MAPKAP1: variants seen among roughly 807,000 people sequenced by gnomAD.
MAPKAP1 encodes target of rapamycin complex 2 subunit MAPKAP1.
Under a neutral mutation model 65.7 loss-of-function variants are expected in MAPKAP1, and 20 were observed. The observed-to-expected ratio is 0.30, with a 90% CI of 0.21 to 0.44. The LOEUF (loss-of-function observed/expected upper bound fraction) is 0.44, where lower values mean the gene tolerates loss of function less well. Among genes scored for constraint, MAPKAP1 ranks in the 20% least tolerant of loss-of-function variants. The pLI is 1.00. For synonymous variants in MAPKAP1, 222 were observed against 244.3 expected (o/e 0.91, Z 0.85); for missense variants, 423 against 648.0 (o/e 0.65, Z 3.77).
At position 125,461,548 on chromosome 9, in the gene MAPKAP1, T is replaced by C. The variant is rs551811627; in HGVS notation, c.1345+6424A>G. On this transcript the variant is annotated intron_variant, in intron 10 of 11. Coordinates refer to ENST00000265960, the MANE Select transcript of MAPKAP1 (RefSeq NM_001006617.3). ...ACTAAAAAACCCCAGCAGACTTCCT[T>C]TGACAGGATAGATGAAGACCCCTTT... Among the ~76,000 whole-genome samples, 10 of 152,286 alleles carry C rather than the reference T, an allele frequency of 6.6e-5. No homozygotes were observed. The South Asian group carries it at 1.9e-3, about 28-fold the overall frequency.
intron 4 of MAPKAP1, among the ~76,000 whole-genome samples, chr9:125,632,004 G>T (rs752289354): frequency 1.8e-4 from 27 of 152,120 alleles, no homozygotes; most frequent in Non-Finnish European, 3.7e-4. Context: ...CAGATCCCTT[G>T]AGGTAAGGAG....
intron 9 of MAPKAP1, among the ~76,000 whole-genome samples, chr9:125,472,785 C>G (rs1194545962): frequency 6.6e-6 from 1 of 152,086 alleles, no homozygotes; most frequent in African/African-American, 2.4e-5. Flanking sequence ...ACAGGAAAAC[C>G]ATTTATAAAA....
intron 9 of MAPKAP1, among the ~76,000 whole-genome samples, chr9:125,475,602 G>A (rs1157700030): frequency 6.6e-6 from 1 of 152,250 alleles, no homozygotes; most frequent in African/African-American, 2.4e-5. Context: ...ACGCAGAGCA[G>A]CAGTCAGCAC....
intron 1 of MAPKAP1, among the ~76,000 whole-genome samples, chr9:125,693,838 T>TACAC (rs1197235568): frequency 6.8e-4 from 80 of 117,326 alleles, no homozygotes; most frequent in African/African-American, 3.5e-3. Context: ...CACATATATA[T>TACAC]ACACACATAC....
intron 7 of MAPKAP1, among the ~76,000 whole-genome samples, chr9:125,512,300 A>C (rs929394444): frequency 1.3e-5 from 2 of 152,206 alleles, no homozygotes; most frequent in Non-Finnish European, 2.9e-5. Context: ...CGTGGGAGAA[A>C]CTTCTTTCAG....
chr9:125,577,368 A>G (rs1389384516), intron 5 of MAPKAP1, among the ~76,000 whole-genome samples: 1 of 143,358 alleles, frequency 7.0e-6, no homozygotes, highest in Non-Finnish European at 1.5e-5. Context: ...CCCGGCAGCC[A>G]CCCCGTCCGG....
At chr9:125,626,902 A>G (rs183683282) in intron 4 of MAPKAP1, among the ~76,000 whole-genome samples, 34 of 152,372 alleles carry the variant, frequency 2.2e-4, no homozygotes, top group Non-Finnish European at 4.1e-4. Flanking sequence ...CAAGAGGCTT[A>G]TGTATCTAAT....
chr9:125,686,353 T>TA lies in MAPKAP1; in HGVS notation c.-69-13711dup, dbSNP rs1360153169. On this transcript the variant is annotated intron_variant, in intron 1 of 11. Transcript: ENST00000265960. ...AAAGAAAAAGAAAAAGAAAAAAGAA[T>TA]AAAAAAAAGAAAGAAAGAAAAGCAA... is the stretch of plus-strand genomic sequence containing the variant. Among the ~76,000 whole-genome samples, 6 of 144,428 alleles carry TA rather than the reference T, an allele frequency of 4.2e-5. No individual in the cohort carries two copies. In the East Asian group the frequency reaches 8.1e-4, roughly 19 times the overall value. The allele number at this position is 144,428 out of a possible 152,430, so 94.8% of individuals were successfully genotyped here. A position where few individuals can be genotyped will look rare whatever the true frequency, so the allele number is the denominator to read the frequency against.
intron 9 of MAPKAP1, among the ~76,000 whole-genome samples, chr9:125,476,203 A>G (rs1854101975): frequency 2.0e-5 from 3 of 152,188 alleles, no homozygotes; most frequent in African/African-American, 4.8e-5. Context: ...TTTAGTGCAA[A>G]AGTGGTAACG....
intron 4 of MAPKAP1, among the ~76,000 whole-genome samples, chr9:125,620,850 G>A (rs1308575167): frequency 6.6e-6 from 1 of 151,208 alleles, no homozygotes; most frequent in African/African-American, 2.4e-5. Flanking sequence ...TAGTAAAGTG[G>A]GTATGGGTAG....
At chr9:125,462,876 G>C (rs1051759682) in intron 10 of MAPKAP1, among the ~76,000 whole-genome samples, 2 of 152,176 alleles carry the variant, frequency 1.3e-5, no homozygotes, top group African/African-American at 2.4e-5. Flanking sequence ...TGCTGGAAAA[G>C]CTATTTTTGT....
chr9:125,704,428 G>A (rs1055754823), intron 1 of MAPKAP1, among the ~76,000 whole-genome samples: 1 of 152,068 alleles, frequency 6.6e-6, no homozygotes, highest in Non-Finnish European at 1.5e-5. Context: ...ACCTCCTGGG[G>A]ACTTCTACCT....
At chr9:125,634,001 C>T (rs1224409486) in intron 4 of MAPKAP1, among the ~76,000 whole-genome samples, 3 of 152,232 alleles carry the variant, frequency 2.0e-5, no homozygotes, top group African/African-American at 7.2e-5. Context: ...TTTGCCTTGA[C>T]AATATGTGAT....
chr9:125,481,907 G>T (rs760477428), intron 9 of MAPKAP1, among the ~76,000 whole-genome samples: 5 of 151,690 alleles, frequency 3.3e-5, no homozygotes, highest in Middle Eastern at 3.4e-3. Flanking sequence ...GAGGTGGGTG[G>T]ATCACTTGAG....
intron 9 of MAPKAP1, among the ~76,000 whole-genome samples, chr9:125,482,024 C>T (rs367770496): frequency 8.7e-5 from 13 of 150,280 alleles, no homozygotes; most frequent in East Asian, 7.9e-4. Flanking sequence ...CCCAGCTACT[C>T]GGGAGGCTGA....
At chr9:125,534,419 T>C (rs940933552) in intron 7 of MAPKAP1, among the ~76,000 whole-genome samples, 6 of 152,248 alleles carry the variant, frequency 3.9e-5, no homozygotes, top group Non-Finnish European at 7.3e-5. Flanking sequence ...TGGCCACAGA[T>C]CAAAGCTATT....
intron 7 of MAPKAP1, among the ~76,000 whole-genome samples, chr9:125,535,924 T>C (rs891664652): frequency 5.3e-5 from 8 of 152,296 alleles, no homozygotes; most frequent in African/African-American, 1.9e-4. Flanking sequence ...TGCTTTTTCA[T>C]TAATCGAATC....
At chr9:125,579,338 C>A (rs774850552) in intron 5 of MAPKAP1, among the ~76,000 whole-genome samples, 1 of 152,206 alleles carries the variant, frequency 6.6e-6, no homozygotes, top group Non-Finnish European at 1.5e-5. Flanking sequence ...GTTGCCCAGG[C>A]TGGAGTGCAA....
intron 6 of MAPKAP1, 82 bp from the exon 7 acceptor site, chr9:125,543,250 GT>G (rs376598741): frequency 5.4e-5 from 54 of 1,007,202 alleles, no homozygotes; most frequent in African/African-American, 1.5e-4. Flanking sequence ...GTTTAAGCAA[GT>G]TTTTTTTGTT....
Sources: allele counts gnomAD v4.1 joint callset (sites outside exome capture counted in the v4.1 genomes callset), GRCh38; gene constraint gnomAD v4.1.1; transcripts MANE v1.5; gene names NCBI Gene and HGNC (gene_info 2026-07-23, HGNC 2026-07-21).